Variants in ERLIN2 observed in about 807,000 individuals in gnomAD.
ERLIN2 encodes erlin-2.
Under a neutral mutation model 41.5 loss-of-function variants are expected in ERLIN2, and 22 were observed. The ratio of observed to expected loss-of-function variants is 0.53; its 90% confidence interval spans 0.38 to 0.76. The LOEUF is 0.76. Ranked by LOEUF, ERLIN2 falls within the 30% of genes least tolerant of loss-of-function variation. The pLI, the probability that ERLIN2 is intolerant of heterozygous loss-of-function variation, is 0.00. For synonymous variants in ERLIN2, 149 were observed against 150.9 expected (o/e 0.99, Z 0.09); for missense variants, 247 against 414.3 (o/e 0.60, Z 3.51).
intron 2 of ERLIN2, 83 bp downstream of exon 2, chr8:37,738,112 T>A: frequency 6.7e-7 from 1 of 1,501,128 alleles, no homozygotes; most frequent in Non-Finnish European, 9.3e-7. Context: ...CAGATTCTGC[T>A]GAACATCTCT....
intron 2 of ERLIN2, among the ~76,000 whole-genome samples, chr8:37,738,642 T>C (rs978534280): frequency 1.6e-4 from 25 of 152,200 alleles, no homozygotes; most frequent in African/African-American, 6.0e-4. Context: ...TCCTAGCTAC[T>C]CAGGAGGCTT....
Position 37,738,001 on chromosome 8 carries a change from G to C in ERLIN2, c.79G>C (p.Glu27Gln). ...ASLFSAVHKI[E>Q]EGHIGVYYRG... ...TCTCTTCTCAGCTGTGCACAAGATA[G>C]AAGAGGGACATATTGGGGTATATTA... is the stretch of plus-strand genomic sequence containing the variant. The change falls in exon 2 of 12, where the codon GAA becomes CAA. Residue 27 changes from glutamate to glutamine, a missense_variant. This residue lies in a region of ERLIN2 where 93 missense variants were observed against 139.0 expected (regional missense o/e 0.67). Transcript: ENST00000519638. 1 of 1,614,216 alleles carries C rather than the reference G, an allele frequency of 6.2e-7. No homozygotes were observed. The highest frequency in any genetic ancestry group is 8.5e-7 in the Non-Finnish European group (1 of 1,180,026).
chr8:37,752,260 C>G (rs1368644539), intron 10 of ERLIN2, among the ~76,000 whole-genome samples: 2 of 152,174 alleles, frequency 1.3e-5, no homozygotes, highest in African/African-American at 4.8e-5. Flanking sequence ...ACCTTCTGTT[C>G]CTGCTTCTAA....
intron 1 of ERLIN2, chr8:37,737,204 G>A (rs1802677875): frequency 6.1e-6 from 1 of 163,726 alleles, no homozygotes; most frequent in African/African-American, 2.4e-5. Context: ...TAGGAGCCTA[G>A]AGGCTCGCAG....
intron 4 of ERLIN2, among the ~76,000 whole-genome samples, chr8:37,743,964 A>G (rs1585905907): frequency 6.6e-6 from 1 of 152,346 alleles, no homozygotes; most frequent in Non-Finnish European, 1.5e-5. Context: ...AATAGTGAAG[A>G]CAGTTTAAGA....
chr8:37,754,702 T>A lies in ERLIN2; in HGVS notation c.*587T>A, dbSNP rs1248909676. On this transcript the variant is annotated 3_prime_UTR_variant, in exon 12 of 12. Coordinates refer to ENST00000519638, the MANE Select transcript of ERLIN2 (RefSeq NM_007175.8). ...TCATAAGGAAGTACTGGTGCTAGGT[T>A]TTGCAAGATTTTGTATACACTTTGC... is the stretch of plus-strand genomic sequence containing the variant. 6.0e-6 allele frequency: 1 copy of A among 165,440 alleles called. No individual in the cohort carries two copies. The highest frequency in any genetic ancestry group is 1.3e-5 in the Non-Finnish European group (1 of 74,898). The allele number at this position is 165,440 out of a possible 1,614,324, so 10.2% of individuals were successfully genotyped here. A position where few individuals can be genotyped will look rare whatever the true frequency, so the allele number is the denominator to read the frequency against.
Position 37,738,042 on chromosome 8 carries a change from CAG to C in ERLIN2, c.107+14_107+15del, listed in dbSNP as rs369927330. On this transcript the variant is annotated intron_variant, in intron 2 of 11. Coordinates refer to ENST00000519638, the MANE Select transcript of ERLIN2 (RefSeq NM_007175.8). The stretch of plus-strand genomic sequence containing the variant: ...GGGTATATTACAGGTAAGGCAGAGA[CAG>C]GGAGAAGCCGGCAACTTCCTGTTAA... The C allele has an allele frequency of 1.6e-5, 26 of 1,613,868 alleles. No individual in the cohort carries two copies. Among genetic ancestry groups the C allele is most frequent in the East Asian group, 1.6e-4 (7 of 44,886 alleles).
chr8:37,754,238 A>G lies in ERLIN2; in HGVS notation c.*123A>G, dbSNP rs918589796. 9.7e-6 allele frequency: 8 copies of G among 827,944 alleles called. No individual in the cohort carries two copies. In the South Asian group the frequency reaches 1.2e-4, roughly 12 times the overall value. 51.3% of individuals were successfully genotyped at this position (827,944 alleles called of 1,614,324 possible). A position where few individuals can be genotyped will look rare whatever the true frequency, so the allele number is the denominator to read the frequency against. Reference sequence around the variant, plus strand: ...TCTTCCAGTTACTGTGGTGAAAAAGAAGAAATGAACTTAAATCCACTCCCT... The same window carrying G: ...TCTTCCAGTTACTGTGGTGAAAAAGGAGAAATGAACTTAAATCCACTCCCT... On this transcript the variant is annotated 3_prime_UTR_variant, in exon 12 of 12. Transcript: ENST00000519638.
At chr8:37,742,579 T>A (rs1215018398) in intron 4 of ERLIN2, among the ~76,000 whole-genome samples, 1 of 152,100 alleles carries the variant, frequency 6.6e-6, no homozygotes, top group African/African-American at 2.4e-5. Context: ...CCACATGTTC[T>A]CACTTATAAG....
intron 6 of ERLIN2, chr8:37,747,969 A>G: frequency 6.2e-7 from 1 of 1,614,240 alleles, no homozygotes. Context: ...CCCGAGTGTC[A>G]GAGCAGACTA....
In ERLIN2 at chr8:37,755,571, C is replaced by CG. The variant is rs1803338624; in HGVS notation, c.*1456_*1457insG. On this transcript the variant is annotated 3_prime_UTR_variant, in exon 12 of 12. Coordinates refer to ENST00000519638, the MANE Select transcript of ERLIN2 (RefSeq NM_007175.8). ...CTGACCCCCACCCCCCACCCCCCAC[C>CG]CCCCCCCCCCGCCAACTCCTATACC... 1.3e-4 allele frequency: 1 copy of CG among 7,822 alleles called. No individual in the cohort carries two copies. The highest frequency in any genetic ancestry group is 3.4e-3 in the East Asian group (1 of 290). 0.5% of individuals were successfully genotyped at this position (7,822 alleles called of 1,614,324 possible).
rs1802715816 is a variant in ERLIN2, at chr8:37,738,024, T to C, written c.102T>C (p.Tyr34=). Residue 34 remains tyrosine, a synonymous_variant, in exon 2 of 12, where the codon TAT becomes TAC. Coordinates refer to ENST00000519638, the MANE Select transcript of ERLIN2 (RefSeq NM_007175.8). ...HKIEEGHIGV[Y]YRGGALLTST... ...TAGAAGAGGGACATATTGGGGTATA[T>C]TACAGGTAAGGCAGAGACAGGGAGA... 1 of 1,614,174 alleles carries C rather than the reference T, an allele frequency of 6.2e-7. No individual in the cohort carries two copies. Among genetic ancestry groups the C allele is most frequent in the Non-Finnish European group, 8.5e-7 (1 of 1,180,000 alleles).
chr8:37,744,767 A>G, intron 6 of ERLIN2, 71 bp downstream of exon 6: 1 of 1,558,144 alleles, frequency 6.4e-7, no homozygotes, highest in South Asian at 1.1e-5. Flanking sequence ...TCCACTGCCT[A>G]AAGCCTGGCT....
At position 37,746,522 on chromosome 8, in the gene ERLIN2, CAAATGT is replaced by C. The variant is rs1211695779; in HGVS notation, c.424+1830_424+1835del. 4 of 973,788 alleles carry C rather than the reference CAAATGT, an allele frequency of 4.1e-6. No homozygotes were observed. The African/African-American group carries it at 7.0e-5, about 17-fold the overall frequency. The allele number at this position is 973,788 out of a possible 1,614,324, so 60.3% of individuals were successfully genotyped here. On this transcript the variant is annotated intron_variant, in intron 6 of 11. Coordinates refer to ENST00000519638, the MANE Select transcript of ERLIN2 (RefSeq NM_007175.8). ...GTATACAACACTCCTCTGTAAATAG[CAAATGT>C]AAAGTAAAAGATACACAACAGATCA...
At chr8:37,753,870 A>T in intron 11 of ERLIN2, 45 bp from the exon 12 acceptor site, 1 of 1,557,540 alleles carries the variant, frequency 6.4e-7, no homozygotes, top group Non-Finnish European at 8.8e-7. Context: ...TCCTTCTCTA[A>T]TATGGTTCAA....
At chr8:37,745,247 A>G in intron 6 of ERLIN2, 1 of 462,530 alleles carries the variant, frequency 2.2e-6, no homozygotes, top group South Asian at 3.3e-5. Flanking sequence ...TTAATTCTAG[A>G]AGTGAGATGA....
intron 6 of ERLIN2, chr8:37,745,898 A>G (rs1224593930): frequency 5.2e-5 from 63 of 1,216,478 alleles, no homozygotes; most frequent in Non-Finnish European, 6.4e-5. Context: ...TTCTCTAGCC[A>G]TTGTCTTAGG....
At position 37,755,761 on chromosome 8, in the gene ERLIN2, G is replaced by A. The variant is rs1313807407; in HGVS notation, c.*1646G>A. 1 of 152,094 alleles carries A rather than the reference G, an allele frequency of 6.6e-6. No individual in the cohort carries two copies. The highest frequency in any genetic ancestry group is 2.4e-5 in the African/African-American group (1 of 41,398). The allele number at this position is 152,094 out of a possible 1,614,324, so 9.4% of individuals were successfully genotyped here. Reference sequence around the variant, plus strand: ...GCCTGCCTAGAAAGATACAGTGTTAGCTCCCCTTACTTCAAAGTTGCCCTT... The same window carrying A: ...GCCTGCCTAGAAAGATACAGTGTTAACTCCCCTTACTTCAAAGTTGCCCTT... On this transcript the variant is annotated 3_prime_UTR_variant, in exon 12 of 12. Transcript: ENST00000519638.
At chr8:37,747,742 T>C (rs767321839) in intron 6 of ERLIN2, 10 of 1,593,720 alleles carry the variant, frequency 6.3e-6, no homozygotes, top group Non-Finnish European at 7.7e-6. Flanking sequence ...CTTTCTGTAC[T>C]GTAGTTCAAT....
Sources: gnomAD v4.1 joint callset for allele counts (sites outside exome capture counted in the v4.1 genomes callset) on GRCh38, gnomAD v4.1.1 for gene constraint, gnomAD v4.1.1 regional missense constraint, MANE v1.5 for transcripts, NCBI Gene and HGNC (gene_info 2026-07-23, HGNC 2026-07-21) for gene names.